The following NDRG1 variants were observed in gnomAD, a reference collection of about 807,000 sequenced individuals.
NDRG1 encodes the protein protein NDRG1.
A neutral mutation model predicts 56.9 loss-of-function variants in NDRG1; 32 were observed. The ratio of observed to expected loss-of-function variants is 0.56; its 90% CI spans 0.42 to 0.76. NDRG1 has a LOEUF of 0.76. Among genes scored for constraint, NDRG1 ranks in the 30% least tolerant of loss-of-function variants. The pLI is 0.00. For missense variants in NDRG1, 507 were observed against 545.7 expected, an observed-to-expected ratio of 0.93 and a Z score of 0.71; for synonymous variants, 211 against 204.1, an observed-to-expected ratio of 1.03 and a Z score of -0.29.
intron 4 of NDRG1, among the ~76,000 whole-genome samples, chr8:133,263,958 GAAT>G (rs1856783970): frequency 6.8e-6 from 1 of 147,906 alleles, no homozygotes; most frequent in Non-Finnish European, 1.5e-5. Flanking sequence ...AAAAAAGAAC[GAAT>G]AAAGTGTGGT....
At chr8:133,249,854 C>A (rs575854932) in intron 10 of NDRG1, among the ~76,000 whole-genome samples, 8 of 152,352 alleles carry the variant, frequency 5.3e-5, no homozygotes, top group Admixed American at 4.6e-4. Context: ...TCCTGTTCTG[C>A]GAGCGTGGCA....
At chr8:133,249,946 C>G (rs1855919840) in intron 10 of NDRG1, among the ~76,000 whole-genome samples, 1 of 152,088 alleles carries the variant, frequency 6.6e-6, no homozygotes, top group South Asian at 2.1e-4. Flanking sequence ...GCTGTCTCCT[C>G]CCCTAGCTGA....
intron 5 of NDRG1, 81 bp downstream of exon 5, chr8:133,261,966 T>C: frequency 1.3e-6 from 2 of 1,500,356 alleles, no homozygotes; most frequent in African/African-American, 2.8e-5. Flanking sequence ...TTAAAAAGTA[T>C]TTAAAAGAGC....
At chr8:133,292,035 G>A (rs1858458179) in intron 1 of NDRG1, among the ~76,000 whole-genome samples, 1 of 152,172 alleles carries the variant, frequency 6.6e-6, no homozygotes, top group African/African-American at 2.4e-5. Context: ...ATTCTCAGTG[G>A]AGTTTTGGCA....
chr8:133,290,433 C>A (rs1292742287), intron 1 of NDRG1, among the ~76,000 whole-genome samples: 1 of 152,180 alleles, frequency 6.6e-6, no homozygotes, highest in African/African-American at 2.4e-5. Context: ...CAGCATGTCA[C>A]CATTTAACAG....
intron 15 of NDRG1, chr8:133,239,450 A>T: frequency 2.0e-6 from 1 of 507,736 alleles, no homozygotes; most frequent in Non-Finnish European, 3.6e-6. Context: ...TAAAGCAAGT[A>T]TGTTAAATAC....
intron 7 of NDRG1, among the ~76,000 whole-genome samples, 191 bp downstream of exon 7, chr8:133,258,175 T>C (rs540624218): frequency 2.0e-5 from 3 of 151,714 alleles, no homozygotes; most frequent in Non-Finnish European, 2.9e-5. Context: ...CATCCTTGAG[T>C]GGAGGAAGAG....
chr8:133,248,339 C>T (rs1004847922), intron 11 of NDRG1, among the ~76,000 whole-genome samples: 1 of 152,202 alleles, frequency 6.6e-6, no homozygotes, highest in African/African-American at 2.4e-5. Flanking sequence ...TAGTTCTGTC[C>T]ATGACTGTCT....
chr8:133,265,009 G>A, intron 3 of NDRG1: 1 of 355,606 alleles, frequency 2.8e-6, no homozygotes, highest in South Asian at 2.4e-5. Flanking sequence ...AGGCCCCACT[G>A]GCCCCACAGG....
chr8:133,263,341 AT>A lies in NDRG1; in HGVS notation c.206-1175del, dbSNP rs199582216. On this transcript the variant is annotated intron_variant, in intron 4 of 15. Transcript: ENST00000323851. ...ATAAGCTTTATAGAAACAAATGAAA[AT>A]CAGGCAGTCCATCGTCAAAAATCAA... Among the ~76,000 whole-genome samples the A allele has an allele frequency of 9.8e-4, 150 of 152,328 alleles. 2 individuals carry two copies. In the East Asian group the frequency reaches 0.029, roughly 29 times the overall value.
chr8:133,237,774 G>A lies in NDRG1; in HGVS notation c.*1104C>T, dbSNP rs981948726. The A allele has an allele frequency of 1.4e-5, 3 of 215,268 alleles. No individual in the cohort carries two copies. The highest frequency in any genetic ancestry group is 1.2e-4 in the Admixed American group (2 of 16,070). The allele number at this position is 215,268 out of a possible 1,614,324, so 13.3% of individuals were successfully genotyped here. On this transcript the variant is annotated 3_prime_UTR_variant, in exon 16 of 16. Coordinates refer to ENST00000323851, the MANE Select transcript of NDRG1 (RefSeq NM_006096.4). ...AGACAGGTTCAGCTACTGAGTTCACGTTCCAGCCCAGCTGTCGAAGATTGA... is the reference window on the plus strand; with the variant it reads ...AGACAGGTTCAGCTACTGAGTTCACATTCCAGCCCAGCTGTCGAAGATTGA...
intron 13 of NDRG1, among the ~76,000 whole-genome samples, chr8:133,245,025 TGGA>T (rs945751204): frequency 6.6e-6 from 1 of 152,054 alleles, no homozygotes; most frequent in African/African-American, 2.4e-5. Context: ...GAAACGGGGC[TGGA>T]GGAGTTCATG....
intron 1 of NDRG1, chr8:133,296,482 C>A (rs751426538): frequency 2.4e-4 from 108 of 456,216 alleles, no homozygotes; most frequent in African/African-American, 4.8e-4. Context: ...GACCCTCCCC[C>A]CACACACACG....
At chr8:133,293,643 C>A (rs913663531) in intron 1 of NDRG1, among the ~76,000 whole-genome samples, 1 of 152,198 alleles carries the variant, frequency 6.6e-6, no homozygotes, top group African/African-American at 2.4e-5. Context: ...GAAGGTACAG[C>A]GGCATGTATG....
intron 1 of NDRG1, among the ~76,000 whole-genome samples, chr8:133,289,363 G>A (rs1297268309): frequency 6.6e-6 from 1 of 152,148 alleles, no homozygotes; most frequent in African/African-American, 2.4e-5. Context: ...TCCTTTCAGG[G>A]TTGCCTTGGA....
At chr8:133,252,157 G>A (rs962710492) in intron 9 of NDRG1, among the ~76,000 whole-genome samples, 4 of 152,144 alleles carry the variant, frequency 2.6e-5, no homozygotes, top group Non-Finnish European at 5.9e-5. Flanking sequence ...AGTGCATGGC[G>A]CGATCTCGGC....
At chr8:133,242,788 A>C (rs1053613451) in intron 14 of NDRG1, among the ~76,000 whole-genome samples, 7 of 68,826 alleles carry the variant, frequency 1.0e-4, no homozygotes, top group African/African-American at 3.6e-4. Context: ...TGATGGACAA[A>C]AGGAAGAAAA....
At chr8:133,259,533 TGA>T in intron 5 of NDRG1, 1 of 452,200 alleles carries the variant, frequency 2.2e-6, no homozygotes, top group Non-Finnish European at 4.1e-6. Flanking sequence ...TCACTGAGGC[TGA>T]GAGATGAGAC....
rs765528167 is a variant in NDRG1, at chr8:133,262,070, G to A, written c.303C>T (p.Asp101=). The A allele has an allele frequency of 2.9e-5, 47 of 1,613,728 alleles. 1 individual carries two copies. In the Middle Eastern group the frequency reaches 8.2e-4, roughly 28 times the overall value. ...VCHVDAPGQQ[D]GAASFPAGYM... is the part of the protein sequence containing the mutation. ...ACCCTGCGGGGAAGGAGGCTGCGCC[G>A]TCCTGCTGGCCAGGGGCGTCCACGT... Residue 101 remains aspartate, a synonymous_variant, in exon 5 of 16, where the codon GAC becomes GAT. Coordinates refer to ENST00000323851, the MANE Select transcript of NDRG1 (RefSeq NM_006096.4).
Sources: allele counts gnomAD v4.1 joint callset (sites outside exome capture counted in the v4.1 genomes callset), GRCh38; gene constraint gnomAD v4.1.1; transcripts MANE v1.5; gene names NCBI Gene and HGNC (gene_info 2026-07-23, HGNC 2026-07-21).